Variants in TPR observed in about 807,000 individuals in gnomAD.
The protein encoded by TPR is translocated promoter region, nuclear basket protein.
TPR carries 51 observed loss-of-function variants against 316.1 expected under a neutral mutation model. That is an observed-to-expected ratio of 0.16 (90% CI 0.13 to 0.20). The LOEUF is 0.20. TPR is among the 10% of genes least tolerant of loss of function. TPR has a pLI of 1.00. For synonymous variants in TPR, 981 were observed against 914.7 expected (o/e 1.07, Z -1.31); for missense variants, 2,272 against 2,754.8 (o/e 0.82, Z 3.92).
chr1:186,320,491 T>C (rs538599343), intron 45 of TPR, 73 bp from the exon 46 acceptor site: 10 of 1,291,962 alleles, frequency 7.7e-6, no homozygotes, highest in Admixed American at 2.5e-5. Context: ...GAAAAAAATA[T>C]AGGAAGAAGG....
chr1:186,343,955 A>G lies in TPR; in HGVS notation c.3553T>C (p.Ser1185Pro). 6.2e-7 allele frequency: 1 copy of G among 1,614,008 alleles called. No individual in the cohort carries two copies. The highest frequency in any genetic ancestry group is 8.5e-7 in the Non-Finnish European group (1 of 1,179,974). The part of the protein sequence containing the change: ...KEGVQGPLNV[S>P]LSEEGKSQEQ... ...TGAGATTTTCCTTCTTCACTGAGAG[A>G]TACATTCAGTGGACCTTGTACACCT... is the stretch of plus-strand genomic sequence containing the variant. Residue 1185 changes from serine to proline, a missense_variant, in exon 26 of 51, where the codon TCT (serine) becomes CCT (proline). Around this residue, in one of 10 missense-constraint regions of TPR, gnomAD observed 757 missense variants for 859.8 expected, o/e 0.88. Transcript: ENST00000367478.
chr1:186,321,931 A>G (rs993360059), intron 45 of TPR, among the ~76,000 whole-genome samples: 3 of 152,220 alleles, frequency 2.0e-5, no homozygotes, highest in African/African-American at 7.2e-5. Context: ...CTTAATTCTT[A>G]TAACTTATGC....
rs752951507 is a variant in TPR, at chr1:186,358,591, C to T, written c.1449G>A (p.Glu483=). The T allele has an allele frequency of 2.5e-6, 4 of 1,612,304 alleles. No individual in the cohort carries two copies. The highest frequency in any genetic ancestry group is 3.4e-6 in the Non-Finnish European group (4 of 1,179,292). ...GTATTTCCATTCTTCGATTATCTCT[C>T]TCAAGTACAGATGATTGCTTGTTGG... ...DKANKQSSVL[E]RDNRRMEIQV... is the part of the protein sequence containing the mutation. Residue 483 remains glutamate, a synonymous_variant, in exon 13 of 51, where the codon GAG becomes GAA. Transcript: ENST00000367478.
chr1:186,314,812 TG>T (rs1270448312), intron 49 of TPR, 88 bp from the exon 50 acceptor site: 15 of 754,084 alleles, frequency 2.0e-5, no homozygotes, highest in Non-Finnish European at 3.2e-5. Context: ...AATGAATGAA[TG>T]AATAAGATGT....
Position 186,360,758 on chromosome 1 carries a change from G to A in TPR, c.1099+7C>T. 1 of 1,612,580 alleles carries A rather than the reference G, an allele frequency of 6.2e-7. No homozygotes were observed. The highest frequency in any genetic ancestry group is 8.5e-7 in the Non-Finnish European group (1 of 1,179,046). The stretch of plus-strand genomic sequence containing the variant: ...TCAACTCACTAACAAGCATCTATTA[G>A]CCATACCTTTACGTTTTGTGGCAGA... On this transcript the variant is annotated splice_region_variant and intron_variant, in intron 10 of 50. Transcript: ENST00000367478.
rs753307632 is a variant in TPR, at chr1:186,331,595, C to T, written c.5605-14G>A. 27 of 1,584,014 alleles carry T rather than the reference C, an allele frequency of 1.7e-5. No individual in the cohort carries two copies. In the South Asian group the frequency reaches 2.4e-4, roughly 14 times the overall value. ...CATAACTTCTTCCTGTATCATAATACACTAATATATTAACCATATCAGTGT... is the reference window on the plus strand; with the variant it reads ...CATAACTTCTTCCTGTATCATAATATACTAATATATTAACCATATCAGTGT... On this transcript the variant is annotated splice_polypyrimidine_tract_variant and intron_variant, in intron 38 of 50. Coordinates refer to ENST00000367478, the MANE Select transcript of TPR (RefSeq NM_003292.3).
intron 26 of TPR, 90 bp from the exon 27 acceptor site, chr1:186,343,563 T>C: frequency 8.3e-7 from 1 of 1,210,262 alleles, no homozygotes; most frequent in Non-Finnish European, 1.2e-6. Context: ...ACAAAAATCA[T>C]TGACTTTAAT....
rs1401972630 is a variant in TPR at position 186,311,931 on chromosome 1, G to C, written c.*2040C>G. ...ATATGTGCTGCCAAACTGAGCACTT[G>C]TCACTTTCAATTGAAATTAAATATA... On this transcript the variant is annotated 3_prime_UTR_variant, in exon 51 of 51. Transcript: ENST00000367478. The C allele has an allele frequency of 1.9e-6, 1 of 539,240 alleles. No homozygotes were observed. Among genetic ancestry groups the C allele is most frequent in the East Asian group, 3.2e-5 (1 of 31,456 alleles). 33.4% of individuals were successfully genotyped at this position (539,240 alleles called of 1,614,324 possible).
At chr1:186,331,820 T>C (rs940470040) in intron 38 of TPR, among the ~76,000 whole-genome samples, 8 of 152,250 alleles carry the variant, frequency 5.3e-5, no homozygotes, top group Middle Eastern at 3.4e-3. Flanking sequence ...ATGTTTGATT[T>C]GAAACCTGCT....
At chr1:186,321,084 G>C (rs1285932207) in intron 45 of TPR, among the ~76,000 whole-genome samples, 2 of 152,116 alleles carry the variant, frequency 1.3e-5, no homozygotes, top group Non-Finnish European at 1.5e-5. Flanking sequence ...ACATTTATTT[G>C]AGTGAAAATG....
chr1:186,357,486 C>T lies in TPR; in HGVS notation c.1635G>A (p.Glu545=), dbSNP rs1490388297. The T allele has an allele frequency of 1.9e-6, 3 of 1,613,936 alleles. No individual in the cohort carries two copies. The highest frequency in any genetic ancestry group is 1.7e-6 in the Non-Finnish European group (2 of 1,180,024). Residue 545 remains glutamate (E), a synonymous_variant, in exon 14 of 51, where the codon GAG becomes GAA. Coordinates refer to ENST00000367478, the MANE Select transcript of TPR (RefSeq NM_003292.3). ...QHLVSYRNIE[E]LQQQNQRLLV... Reference sequence around the variant, plus strand: ...AGAGACGTTGATTTTGTTGTTGAAGCTCTTCAATATTTCTGTAAGATACTA... The same window carrying T: ...AGAGACGTTGATTTTGTTGTTGAAGTTCTTCAATATTTCTGTAAGATACTA...
intron 21 of TPR, among the ~76,000 whole-genome samples, chr1:186,348,296 A>G (rs1658745137): frequency 6.6e-6 from 1 of 152,156 alleles, no homozygotes; most frequent in African/African-American, 2.4e-5. Context: ...CAGTTGAGAT[A>G]AGGACTGAGA....
At chr1:186,369,280 A>G (rs943362598) in intron 3 of TPR, among the ~76,000 whole-genome samples, 2 of 150,926 alleles carry the variant, frequency 1.3e-5, no homozygotes, top group Non-Finnish European at 3.0e-5. Context: ...TTTTTTTTCT[A>G]TTTCTGCGAA....
intron 2 of TPR, among the ~76,000 whole-genome samples, chr1:186,371,904 TG>T (rs1460062246): frequency 6.6e-6 from 1 of 152,174 alleles, no homozygotes; most frequent in African/African-American, 2.4e-5. Flanking sequence ...AGGTATCTGA[TG>T]TATCTGTAGG....
At position 186,311,985 on chromosome 1, in the gene TPR, T is replaced by C. The variant is rs1184007382; in HGVS notation, c.*1986A>G. 1.7e-5 allele frequency: 10 copies of C among 583,742 alleles called. No individual in the cohort carries two copies. The highest frequency in any genetic ancestry group is 6.0e-6 in the Non-Finnish European group (2 of 335,406). The allele number at this position is 583,742 out of a possible 1,614,324, so 36.2% of individuals were successfully genotyped here. On this transcript the variant is annotated 3_prime_UTR_variant, in exon 51 of 51. Transcript: ENST00000367478. ...CTATGTAATTTGCTGCATCTATTCA[T>C]TCAACAAGTATTTCAGTTTAATAAT...
Position 186,318,464 on chromosome 1 carries a change from C to T in TPR, c.6804G>A (p.Val2268=). The T allele has an allele frequency of 6.2e-7, 1 of 1,612,060 alleles. No individual in the cohort carries two copies. The highest frequency in any genetic ancestry group is 8.5e-7 in the Non-Finnish European group (1 of 1,179,460). Residue 2268 remains valine (V), a synonymous_variant, in exon 48 of 51, where the codon GTG becomes GTA. Transcript: ENST00000367478. ...ATGDDGDEVF[V]EAESEGISSE... Reference sequence around the variant, plus strand: ...ACTTTTACCCTTCAGATTCTGCCTCCACAAATACTTCATCTCCATCATCAC... The same window carrying T: ...ACTTTTACCCTTCAGATTCTGCCTCTACAAATACTTCATCTCCATCATCAC...
rs779123254 is a variant in TPR at position 186,357,666 on chromosome 1, C to T, written c.1498-43G>A. On this transcript the variant is annotated intron_variant, in intron 13 of 50. Transcript: ENST00000367478. The stretch of plus-strand genomic sequence containing the variant: ...ATATGTTATAAAATAGTATTAGTTA[C>T]AATTCTGGACAAGTTTAGAATGAAA... The T allele has an allele frequency of 2.0e-6, 3 of 1,525,836 alleles. No individual in the cohort carries two copies. In the South Asian group the frequency reaches 3.7e-5, roughly 19 times the overall value. 94.5% of individuals were successfully genotyped at this position (1,525,836 alleles called of 1,614,324 possible). A position where few individuals can be genotyped will look rare whatever the true frequency, so the allele number is the denominator to read the frequency against.
Position 186,313,776 on chromosome 1 carries a change from T to C in TPR, c.*195A>G, listed in dbSNP as rs748517998. 2 of 1,595,800 alleles carry C rather than the reference T, an allele frequency of 1.3e-6. No homozygotes were observed. The highest frequency in any genetic ancestry group is 8.6e-7 in the Non-Finnish European group (1 of 1,163,432). On this transcript the variant is annotated 3_prime_UTR_variant, in exon 51 of 51. Transcript: ENST00000367478. ...ATCCAAAGTCTGGTACAACTGTCCT[T>C]AGACTGATGAGCAAAGGAGGAGTCA...
chr1:186,335,198 T>C, intron 34 of TPR, 69 bp from the exon 35 acceptor site: 6 of 1,557,452 alleles, frequency 3.9e-6, no homozygotes, highest in Non-Finnish European at 5.2e-6. Flanking sequence ...CACAAAAAAA[T>C]TGTCATTATT....
Sources: allele counts gnomAD v4.1 joint callset (sites outside exome capture counted in the v4.1 genomes callset), GRCh38; gene constraint gnomAD v4.1.1; regional missense constraint gnomAD v4.1.1; transcripts MANE v1.5; gene names NCBI Gene and HGNC (gene_info 2026-07-23, HGNC 2026-07-21).